GALNT8: variants seen among roughly 807,000 people sequenced by gnomAD.
GALNT8 encodes the protein probable polypeptide N-acetylgalactosaminyltransferase 8.
GALNT8 carries 66 observed loss-of-function variants against 62.7 expected under a neutral mutation model. The observed-to-expected ratio is 1.05, with a 90% CI of 0.86 to 1.29. The LOEUF (loss-of-function observed/expected upper bound fraction) is 1.29, where lower values mean the gene tolerates loss of function less well. GALNT8 is among the 50% of genes most tolerant of loss of function. The pLI, the probability that GALNT8 is intolerant of heterozygous loss-of-function variation, is 0.00. For missense variants in GALNT8, 771 were observed against 791.8 expected (o/e 0.97, Z 0.32); for synonymous variants, 288 against 294.3 (o/e 0.98, Z 0.22).
At position 4,768,931 on chromosome 12, in the gene GALNT8, C is replaced by T. The variant is rs372576689; in HGVS notation, c.1761+3385C>T. Reference sequence around the variant, plus strand: ...AGAGGGAGATGAGACTAGATCATCCCTTCGTTTTCTTTGATTTCATGATTC... The same window carrying T: ...AGAGGGAGATGAGACTAGATCATCCTTTCGTTTTCTTTGATTTCATGATTC... On this transcript the variant is annotated intron_variant, in intron 10 of 10. Transcript: ENST00000252318. Among the ~76,000 whole-genome samples, 18 of 152,198 alleles carry T rather than the reference C, an allele frequency of 1.2e-4. No individual in the cohort carries two copies. The East Asian group carries it at 3.3e-3, about 28-fold the overall frequency.
chr12:4,739,078 A>G, intron 2 of GALNT8, 85 bp from the exon 3 acceptor site: 2 of 830,082 alleles, frequency 2.4e-6, no homozygotes, highest in Non-Finnish European at 3.7e-6. Context: ...TCGATATAAC[A>G]TCATACAGAG....
intron 2 of GALNT8, among the ~76,000 whole-genome samples, chr12:4,736,733 C>G (rs957971834): frequency 4.6e-5 from 7 of 152,118 alleles, no homozygotes; most frequent in African/African-American, 1.7e-4. Flanking sequence ...ACAATGACAT[C>G]TACTCCTGGG....
intron 10 of GALNT8, among the ~76,000 whole-genome samples, chr12:4,768,767 C>G (rs1175292117): frequency 1.3e-5 from 2 of 152,132 alleles, no homozygotes; most frequent in Non-Finnish European, 2.9e-5. Context: ...TCCATCTTAC[C>G]TCTTAGGTCT....
chr12:4,725,467 G>C (rs1946190531), intron 1 of GALNT8, among the ~76,000 whole-genome samples: 1 of 151,892 alleles, frequency 6.6e-6, no homozygotes, highest in African/African-American at 2.4e-5. Context: ...TTAAAATATA[G>C]ATTCTCAGGC....
chr12:4,745,792 C>T (rs1333619042), intron 5 of GALNT8, among the ~76,000 whole-genome samples, 166 bp downstream of exon 5: 2 of 151,950 alleles, frequency 1.3e-5, no homozygotes, highest in Non-Finnish European at 2.9e-5. Flanking sequence ...ATAAGTTATC[C>T]CAGTTAAGAA....
intron 2 of GALNT8, among the ~76,000 whole-genome samples, chr12:4,735,774 G>A (rs1253912257): frequency 1.3e-5 from 2 of 152,154 alleles, no homozygotes; most frequent in African/African-American, 2.4e-5. Context: ...ACGTCTACCT[G>A]TAGAGCAGGG....
intron 10 of GALNT8, among the ~76,000 whole-genome samples, chr12:4,769,327 C>T (rs1368760650): frequency 1.3e-5 from 2 of 152,134 alleles, no homozygotes; most frequent in Non-Finnish European, 1.5e-5. Flanking sequence ...AACTTGCCCA[C>T]GTGTAGGAAA....
chr12:4,766,878 A>G (rs1946402488), intron 10 of GALNT8, among the ~76,000 whole-genome samples: 1 of 151,830 alleles, frequency 6.6e-6, no homozygotes, highest in Non-Finnish European at 1.5e-5. Flanking sequence ...TCTCCAGGAA[A>G]ACATACATAT....
intron 2 of GALNT8, among the ~76,000 whole-genome samples, chr12:4,727,531 A>G (rs761737238): frequency 6.6e-6 from 1 of 152,156 alleles, no homozygotes; most frequent in Non-Finnish European, 1.5e-5. Flanking sequence ...TTCCTCATCC[A>G]TAGGCAACCA....
chr12:4,748,884 A>G (rs955392323), intron 6 of GALNT8, among the ~76,000 whole-genome samples: 6 of 152,108 alleles, frequency 3.9e-5, no homozygotes, highest in Non-Finnish European at 7.4e-5. Flanking sequence ...GTCCTCTTCA[A>G]TGTTTTTCAT....
In GALNT8 at chr12:4,745,596, T is replaced by C. The variant is rs2137532568; in HGVS notation, c.1028T>C (p.Ile343Thr). The change falls in exon 5 of 11, where the codon ATT becomes ACT. Residue 343 changes from isoleucine to threonine, a missense_variant. By Grantham distance (89) the Ile-to-Thr change is moderately conservative (BLOSUM62 -1). Coordinates refer to ENST00000252318, the MANE Select transcript of GALNT8 (RefSeq NM_017417.2). Reference sequence around the variant, plus strand: ...TACGATGCACTGCCACAAGCCTGGATTGATCTGCATGATGTCACTGCCCCA... The same window carrying C: ...TACGATGCACTGCCACAAGCCTGGACTGATCTGCATGATGTCACTGCCCCA... ...CRYDALPQAW[I>T]DLHDVTAPVK... 2 of 1,614,010 alleles carry C rather than the reference T, an allele frequency of 1.2e-6. No homozygotes were observed. The highest frequency in any genetic ancestry group is 1.7e-6 in the Non-Finnish European group (2 of 1,179,900).
In GALNT8 at chr12:4,726,976, TATA is replaced by T. The variant is rs1380201332; in HGVS notation, c.509+150_509+152del. On this transcript the variant is annotated intron_variant, in intron 2 of 10. Coordinates refer to ENST00000252318, the MANE Select transcript of GALNT8 (RefSeq NM_017417.2). The surrounding 1 kb of genome is among the most constrained non-coding windows in gnomAD (Gnocchi z 4.1). ...CAAAGTTGTTGTTTTCAATTTATTT[TATA>T]ATGACAGCTCAGAGAAGATAACCAA... 2 of 649,890 alleles carry T rather than the reference TATA, an allele frequency of 3.1e-6. No individual in the cohort carries two copies. Among genetic ancestry groups the T allele is most frequent in the Non-Finnish European group, 5.3e-6 (2 of 380,510 alleles). The allele number at this position is 649,890 out of a possible 1,614,324, so 40.3% of individuals were successfully genotyped here.
At chr12:4,724,414 C>T (rs944510110) in intron 1 of GALNT8, among the ~76,000 whole-genome samples, 17 of 152,104 alleles carry the variant, frequency 1.1e-4, no homozygotes, top group Admixed American at 9.2e-4. Flanking sequence ...TTCATACTAC[C>T]GGATTGTGCA....
At chr12:4,727,691 T>G (rs1946202626) in intron 2 of GALNT8, among the ~76,000 whole-genome samples, 1 of 152,232 alleles carries the variant, frequency 6.6e-6, no homozygotes, top group South Asian at 2.1e-4. Context: ...ATATCAATAC[T>G]TCGTTCCTTT....
chr12:4,725,327 C>T (rs1946189728), intron 1 of GALNT8, among the ~76,000 whole-genome samples: 1 of 152,174 alleles, frequency 6.6e-6, no homozygotes, highest in Non-Finnish European at 1.5e-5. Context: ...TAGATGACGT[C>T]ATGGATCCTG....
intron 6 of GALNT8, among the ~76,000 whole-genome samples, chr12:4,760,107 G>A (rs552312928): frequency 6.6e-6 from 1 of 152,276 alleles, no homozygotes; most frequent in South Asian, 2.1e-4. Flanking sequence ...CGGGTCAGAG[G>A]TCCATGCACA....
chr12:4,761,875 C>T (rs1946374764), intron 7 of GALNT8, among the ~76,000 whole-genome samples: 1 of 152,090 alleles, frequency 6.6e-6, no homozygotes, highest in Non-Finnish European at 1.5e-5. Context: ...ACAAACTCAT[C>T]CCTCCATCGT....
intron 10 of GALNT8, among the ~76,000 whole-genome samples, chr12:4,767,702 C>T (rs990448076): frequency 6.6e-6 from 1 of 152,168 alleles, no homozygotes; most frequent in Admixed American, 6.5e-5. Context: ...ATCTGGCAGA[C>T]CTAGGGTGCT....
intron 6 of GALNT8, among the ~76,000 whole-genome samples, chr12:4,758,205 T>C (rs1439774600): frequency 6.6e-6 from 1 of 152,228 alleles, no homozygotes; most frequent in Non-Finnish European, 1.5e-5. Flanking sequence ...TATTTGCCTT[T>C]TAAAACATCT....
Sources: gnomAD v4.1 joint callset for allele counts (sites outside exome capture counted in the v4.1 genomes callset) on GRCh38, gnomAD v4.1.1 for gene constraint, Gnocchi (gnomAD v3.1) non-coding constraint, MANE v1.5 for transcripts, NCBI Gene and HGNC (gene_info 2026-07-23, HGNC 2026-07-21) for gene names.